Variants in INTS13 observed in about 807,000 individuals in gnomAD.
INTS13 encodes the protein integrator complex subunit 13, also known as asunder, spermatogenesis regulator homolog (Drosphila).
INTS13 carries 35 observed loss-of-function variants against 90.2 expected under a neutral mutation model. The ratio of observed to expected loss-of-function variants is 0.39; its 90% confidence interval spans 0.30 to 0.51. The LOEUF is 0.51. Ranked by LOEUF, INTS13 falls within the 20% of genes least tolerant of loss-of-function variation. The pLI, the probability that INTS13 is intolerant of heterozygous loss-of-function variation, is 0.80. For synonymous variants in INTS13, 309 were observed against 277.1 expected (o/e 1.11, Z -1.14); for missense variants, 601 against 851.2 (o/e 0.71, Z 3.66).
intron 8 of INTS13, among the ~76,000 whole-genome samples, 176 bp from the exon 9 acceptor site, chr12:26,917,909 G>A (rs1264862432): frequency 6.6e-6 from 1 of 152,032 alleles, no homozygotes; most frequent in Non-Finnish European, 1.5e-5. Flanking sequence ...GGATCACGAG[G>A]TCAGGAGTTC....
At chr12:26,929,372 C>T (rs1938062088) in intron 3 of INTS13, among the ~76,000 whole-genome samples, 1 of 152,112 alleles carries the variant, frequency 6.6e-6, no homozygotes, top group South Asian at 2.1e-4. Context: ...CTCATCACTT[C>T]CATTCAACAC....
upstream of INTS13, chr12:26,938,102 C>T (rs1380022040): frequency 6.5e-6 from 1 of 152,820 alleles, no homozygotes; most frequent in East Asian, 1.9e-4. Flanking sequence ...AGTCGCCGAA[C>T]AGGAAGAGGG....
At chr12:26,905,891 C>T (rs961505774) in intron 16 of INTS13, among the ~76,000 whole-genome samples, 5 of 152,056 alleles carry the variant, frequency 3.3e-5, no homozygotes, top group Admixed American at 6.6e-5. Context: ...TGTATTTCCA[C>T]CAACAAATTA....
intron 15 of INTS13, among the ~76,000 whole-genome samples, chr12:26,907,282 TAA>T (rs1951638333): frequency 9.3e-6 from 1 of 107,218 alleles, no homozygotes; most frequent in Non-Finnish European, 1.8e-5. Flanking sequence ...CAACAGAATA[TAA>T]AAGAGAATCC....
intron 16 of INTS13, 102 bp downstream of exon 16, chr12:26,906,200 T>C: frequency 8.9e-7 from 1 of 1,124,548 alleles, no homozygotes; most frequent in Non-Finnish European, 1.3e-6. Flanking sequence ...TAGTTCATAA[T>C]ATTAGTAATA....
At chr12:26,908,511 A>G (rs185616728) in intron 15 of INTS13, among the ~76,000 whole-genome samples, 1,954 of 152,148 alleles carry the variant, frequency 0.013, 20 homozygotes, top group Non-Finnish European at 0.018. Flanking sequence ...TTCAGTGCCA[A>G]TCTATATCAA....
chr12:26,936,468 T>C, intron 2 of INTS13, 111 bp downstream of exon 2: 1 of 786,230 alleles, frequency 1.3e-6, no homozygotes, highest in Non-Finnish European at 2.0e-6. Flanking sequence ...ATGTACCACA[T>C]TTTTAAGTAA....
At position 26,924,293 on chromosome 12, in the gene INTS13, TCAAA is replaced by T. The variant is rs529817060; in HGVS notation, c.804+58_804+61del. 1,476 of 1,570,978 alleles carry T rather than the reference TCAAA, an allele frequency of 9.4e-4. 36 individuals are homozygous for T. In the South Asian group the frequency reaches 0.016, roughly 17 times the overall value. ...CAGGCATGAGCTACCACGCCTGGCC[TCAAA>T]CAAATATTTAAAAAGCAAAGCAGTG... is the stretch of plus-strand genomic sequence containing the variant. On this transcript the variant is annotated intron_variant, in intron 7 of 16. Coordinates refer to ENST00000261191, the MANE Select transcript of INTS13 (RefSeq NM_018164.3).
intron 15 of INTS13, among the ~76,000 whole-genome samples, chr12:26,906,845 C>T (rs1951624780): frequency 6.6e-6 from 1 of 152,222 alleles, no homozygotes; most frequent in Non-Finnish European, 1.5e-5. Flanking sequence ...TGCATACTAC[C>T]TCCATAGGCA....
At chr12:26,913,327 A>G in intron 14 of INTS13, 130 bp downstream of exon 14, 3 of 670,530 alleles carry the variant, frequency 4.5e-6, no homozygotes, top group Non-Finnish European at 7.5e-6. Flanking sequence ...ATAAAATTAC[A>G]GTAATGAAAA....
intron 8 of INTS13, 106 bp from the exon 9 acceptor site, chr12:26,917,839 A>AAAC: frequency 3.8e-5 from 19 of 497,828 alleles, no homozygotes; most frequent in East Asian, 1.1e-4. Context: ...AAATAATAAA[A>AAAC]GCGGCCGGGT....
chr12:26,911,863 CCT>C (rs1951786153), intron 14 of INTS13, among the ~76,000 whole-genome samples: 2 of 152,046 alleles, frequency 1.3e-5, no homozygotes, highest in Admixed American at 6.5e-5. Context: ...GTACTTTTTC[CCT>C]CTTACAGTGA....
At chr12:26,914,346 T>C in intron 12 of INTS13, 62 bp downstream of exon 12, 2 of 1,449,150 alleles carry the variant, frequency 1.4e-6, no homozygotes, top group Non-Finnish European at 1.9e-6. Context: ...AATTGTCTAA[T>C]TGATTTCTAT....
intron 5 of INTS13, among the ~76,000 whole-genome samples, chr12:26,927,761 A>G (rs1404595000): frequency 6.6e-6 from 1 of 151,984 alleles, no homozygotes; most frequent in Non-Finnish European, 1.5e-5. Context: ...GACTACAGGC[A>G]CATGCCACCA....
At chr12:26,916,285 G>T (rs749552071) in intron 10 of INTS13, 105 bp from the exon 11 acceptor site, 19 of 1,046,088 alleles carry the variant, frequency 1.8e-5, no homozygotes, top group Non-Finnish European at 2.3e-5. Context: ...ATTGATCCCC[G>T]TATTTTAACC....
At chr12:26,911,116 T>C (rs1240668670) in intron 15 of INTS13, 62 bp downstream of exon 15, 1 of 1,547,924 alleles carries the variant, frequency 6.5e-7, no homozygotes, top group Admixed American at 2.0e-5. Context: ...ATTACAGGGG[T>C]AAGCCACCAC....
intron 14 of INTS13, among the ~76,000 whole-genome samples, chr12:26,911,983 G>C (rs1476585740): frequency 6.6e-6 from 1 of 152,154 alleles, no homozygotes; most frequent in African/African-American, 2.4e-5. Flanking sequence ...AGGATTTCCA[G>C]AATTAGCTTC....
At chr12:26,912,081 T>C (rs1412001769) in intron 14 of INTS13, among the ~76,000 whole-genome samples, 4 of 152,218 alleles carry the variant, frequency 2.6e-5, no homozygotes, top group Middle Eastern at 3.2e-3. Context: ...TCATTGAAGG[T>C]AGATGATGAG....
At chr12:26,921,960 G>T (rs1404318817) in intron 8 of INTS13, among the ~76,000 whole-genome samples, 1 of 152,160 alleles carries the variant, frequency 6.6e-6, no homozygotes, top group East Asian at 1.9e-4. Flanking sequence ...CCGGCCTGCA[G>T]CCCAAAAACA....
Sources: allele counts gnomAD v4.1 joint callset (sites outside exome capture counted in the v4.1 genomes callset), GRCh38; gene constraint gnomAD v4.1.1; transcripts MANE v1.5; gene names NCBI Gene and HGNC (gene_info 2026-07-23, HGNC 2026-07-21).